NTNG1: variants seen among roughly 807,000 people sequenced by gnomAD.
NTNG1 encodes the protein netrin G1, also known as netrin-G1.
In NTNG1, 16 loss-of-function variants were observed where a neutral mutation model predicts 54.0. That is an observed-to-expected ratio of 0.30 (90% confidence interval 0.20 to 0.45). The LOEUF is 0.45. NTNG1 is among the 20% of genes least tolerant of loss of function. The pLI is 1.00. For synonymous variants in NTNG1, 255 were observed against 263.1 expected (o/e 0.97, Z 0.30); for missense variants, 530 against 678.7 (o/e 0.78, Z 2.43).
At chr1:107,157,220 C>T (rs1381800104) in intron 2 of NTNG1, among the ~76,000 whole-genome samples, 1 of 152,020 alleles carries the variant, frequency 6.6e-6, no homozygotes, top group Non-Finnish European at 1.5e-5. Context: ...AATACTGTAC[C>T]AAACATTGCA....
chr1:107,395,087 G>C (rs1570857522), intron 3 of NTNG1, 67 bp from the exon 4 acceptor site: 2 of 1,271,338 alleles, frequency 1.6e-6, no homozygotes, highest in East Asian at 4.6e-5. Context: ...AGACAAATCA[G>C]GGAAGCCTCA....
chr1:107,145,494 T>C (rs1469467128), intron 1 of NTNG1, among the ~76,000 whole-genome samples: 1 of 152,062 alleles, frequency 6.6e-6, no homozygotes, highest in African/African-American at 2.4e-5. Flanking sequence ...AACAGCTTAG[T>C]GTCCCTCTGC....
At chr1:107,228,765 C>T (rs922557591) in intron 2 of NTNG1, among the ~76,000 whole-genome samples, 43 of 152,178 alleles carry the variant, frequency 2.8e-4, no homozygotes, top group African/African-American at 9.9e-4. Context: ...TCTGATGAGG[C>T]TGTAAGAAAG....
chr1:107,193,832 C>T (rs538993525), intron 2 of NTNG1, among the ~76,000 whole-genome samples: 2 of 151,996 alleles, frequency 1.3e-5, no homozygotes, highest in African/African-American at 4.8e-5. Flanking sequence ...CAATTCCTTC[C>T]TTCTTTTTTT....
chr1:107,339,864 A>G (rs1668798390), intron 3 of NTNG1, among the ~76,000 whole-genome samples: 1 of 152,074 alleles, frequency 6.6e-6, no homozygotes, highest in Non-Finnish European at 1.5e-5. Context: ...TGCTAGAGAT[A>G]CAAAGATGAA....
chr1:107,422,523 G>A (rs1674640007), intron 5 of NTNG1, among the ~76,000 whole-genome samples: 1 of 152,040 alleles, frequency 6.6e-6, no homozygotes, highest in Admixed American at 6.6e-5. Flanking sequence ...CAATGAGGTA[G>A]ACTTACCAGA....
chr1:107,265,124 T>C (rs1013655928), intron 2 of NTNG1, among the ~76,000 whole-genome samples: 1 of 152,224 alleles, frequency 6.6e-6, no homozygotes, highest in Non-Finnish European at 1.5e-5. Flanking sequence ...TGTTTTCTCA[T>C]TGTTCCAATA....
intron 5 of NTNG1, among the ~76,000 whole-genome samples, chr1:107,426,018 A>C (rs1221576304): frequency 2.0e-5 from 3 of 151,822 alleles, no homozygotes; most frequent in Non-Finnish European, 4.4e-5. Flanking sequence ...CCAGTTTTTA[A>C]TGGGGTTGTT....
At chr1:107,358,241 T>C (rs926628053) in intron 3 of NTNG1, among the ~76,000 whole-genome samples, 2 of 152,142 alleles carry the variant, frequency 1.3e-5, no homozygotes, top group African/African-American at 4.8e-5. Flanking sequence ...CTAAGAAATA[T>C]TAAGTGCTAC....
intron 2 of NTNG1, among the ~76,000 whole-genome samples, chr1:107,315,268 G>A (rs1667270720): frequency 2.6e-5 from 4 of 151,922 alleles, no homozygotes; most frequent in African/African-American, 7.3e-5. Context: ...CTCGCACCCC[G>A]TATCAAGCCA....
chr1:107,440,892 T>A (rs1675922895), intron 7 of NTNG1, among the ~76,000 whole-genome samples: 1 of 152,114 alleles, frequency 6.6e-6, no homozygotes. Context: ...GAAACACTTC[T>A]AAACCACTAG....
chr1:107,480,708 C>A lies in NTNG1; in HGVS notation c.1488C>A (p.Leu496=), dbSNP rs1296839210. 2.5e-6 allele frequency: 4 copies of A among 1,611,208 alleles called. No homozygotes were observed. The highest frequency in any genetic ancestry group is 2.5e-6 in the Non-Finnish European group (3 of 1,179,608). ...CLCPAAYTGI[L]CEKLRCEEAG... Reference sequence around the variant, plus strand: ...GCCCGGCCGCATACACGGGCATCCTCTGCGAGAAGCTGCGGTGCGAGGAGG... The same window carrying A: ...GCCCGGCCGCATACACGGGCATCCTATGCGAGAAGCTGCGGTGCGAGGAGG... The change falls in exon 8 of 8, where the codon CTC becomes CTA. Residue 496 remains leucine, a synonymous_variant. Coordinates refer to ENST00000370068, the MANE Select transcript of NTNG1 (RefSeq NM_001113226.3).
Position 107,175,032 on chromosome 1 carries a change from A to C in NTNG1, c.246+26193A>C, listed in dbSNP as rs569433441. On this transcript the variant is annotated intron_variant, in intron 2 of 7. Coordinates refer to ENST00000370068, the MANE Select transcript of NTNG1 (RefSeq NM_001113226.3). The stretch of plus-strand genomic sequence containing the variant: ...AATGCCTTAATGGTGAAATATTATC[A>C]AGCATTAAGCAGCAATTATAATATC... Among the ~76,000 whole-genome samples, 9 of 152,284 alleles carry C rather than the reference A, an allele frequency of 5.9e-5. No individual in the cohort carries two copies. The South Asian group carries it at 1.9e-3, about 32-fold the overall frequency.
chr1:107,205,941 A>G (rs1659158618), intron 2 of NTNG1, among the ~76,000 whole-genome samples: 1 of 152,152 alleles, frequency 6.6e-6, no homozygotes, highest in Non-Finnish European at 1.5e-5. Context: ...TGTTGGGTTT[A>G]ATGTTAGGTT....
rs933281928 is a variant in NTNG1 at position 107,252,624 on chromosome 1, A to G, written c.247-71658A>G. Among the ~76,000 whole-genome samples the G allele has an allele frequency of 2.0e-5, 3 of 152,090 alleles. No individual in the cohort carries two copies. The South Asian group carries it at 6.2e-4, about 32-fold the overall frequency. On this transcript the variant is annotated intron_variant, in intron 2 of 7. Coordinates refer to ENST00000370068, the MANE Select transcript of NTNG1 (RefSeq NM_001113226.3). Reference sequence around the variant, plus strand: ...CCCTATTCTTCTTGCACATGAGTGGATTGAGTTTGCTAAGACACTGATTAC... The same window carrying G: ...CCCTATTCTTCTTGCACATGAGTGGGTTGAGTTTGCTAAGACACTGATTAC...
chr1:107,214,729 A>G (rs1488594745), intron 2 of NTNG1, among the ~76,000 whole-genome samples: 1 of 151,366 alleles, frequency 6.6e-6, no homozygotes, highest in Non-Finnish European at 1.5e-5. Context: ...TAGTGGTTGT[A>G]CTAGTTTACA....
chr1:107,290,963 T>TTATA (rs71976757), intron 2 of NTNG1, among the ~76,000 whole-genome samples: 19,856 of 142,186 alleles, frequency 0.14, 1,515 homozygotes, highest in East Asian at 0.24. Flanking sequence ...TATATATATA[T>TTATA]TATATATATA....
At chr1:107,180,004 G>T (rs1656950502) in intron 2 of NTNG1, among the ~76,000 whole-genome samples, 1 of 152,080 alleles carries the variant, frequency 6.6e-6, no homozygotes, top group South Asian at 2.1e-4. Context: ...CCTTAAATTT[G>T]CCCAATTAAC....
intron 2 of NTNG1, among the ~76,000 whole-genome samples, chr1:107,156,755 C>T (rs9988570): frequency 0.016 from 2,433 of 152,194 alleles, 71 homozygotes; most frequent in African/African-American, 0.055. Context: ...ATGTATACTC[C>T]GTGTCAGTCA....
Sources: gnomAD v4.1 joint callset for allele counts (sites outside exome capture counted in the v4.1 genomes callset) on GRCh38, gnomAD v4.1.1 for gene constraint, MANE v1.5 for transcripts, NCBI Gene and HGNC (gene_info 2026-07-23, HGNC 2026-07-21) for gene names.